The following SOX5 variants were observed in gnomAD, a reference collection of about 807,000 sequenced individuals.
SOX5 encodes the protein SRY-box transcription factor 5.
SOX5 carries 9 observed loss-of-function variants against 92.0 expected under a neutral mutation model. The ratio of observed to expected loss-of-function variants is 0.10; its 90% CI spans 0.06 to 0.17. The LOEUF is 0.17. Among genes scored for constraint, SOX5 ranks in the 10% least tolerant of loss-of-function variants. The probability of loss-of-function intolerance (pLI) is 1.00; values close to 1 mark genes in which losing one functional copy is unlikely to be tolerated. For synonymous variants in SOX5, 344 were observed against 336.3 expected, an observed-to-expected ratio of 1.02 and a Z score of -0.25; for missense variants, 642 against 944.5, an observed-to-expected ratio of 0.68 and a Z score of 4.20.
At chr12:24,401,039 A>G (rs1455181355) in intron 1 of SOX5, among the ~76,000 whole-genome samples, 1 of 152,150 alleles carries the variant, frequency 6.6e-6, no homozygotes, top group Non-Finnish European at 1.5e-5. Flanking sequence ...TCTCTCCAAA[A>G]CCTGACTCAT....
intron 3 of SOX5, among the ~76,000 whole-genome samples, chr12:24,218,681 AC>A (rs1390983301): frequency 6.6e-6 from 1 of 152,176 alleles, no homozygotes; most frequent in Non-Finnish European, 1.5e-5. Flanking sequence ...ATACTATGAA[AC>A]AAAAACACAT....
chr12:24,146,518 T>C (rs1286368582), intron 4 of SOX5, among the ~76,000 whole-genome samples: 21 of 152,110 alleles, frequency 1.4e-4, no homozygotes, highest in Admixed American at 1.3e-3. Context: ...TCAATGTCTA[T>C]ACTATTTTTT....
intron 2 of SOX5, among the ~76,000 whole-genome samples, chr12:23,857,284 C>A (rs1487436396): frequency 2.0e-5 from 3 of 152,046 alleles, no homozygotes; most frequent in African/African-American, 7.2e-5. Context: ...GTGAGTGATT[C>A]TATTAAAGTA....
intron 4 of SOX5, among the ~76,000 whole-genome samples, chr12:23,986,675 G>A (rs967190701): frequency 6.6e-6 from 1 of 152,076 alleles, no homozygotes; most frequent in African/African-American, 2.4e-5. Flanking sequence ...GAATGATTTT[G>A]TTTTCCTTGA....
At chr12:23,968,238 G>A (rs1947816021) in intron 4 of SOX5, among the ~76,000 whole-genome samples, 1 of 152,108 alleles carries the variant, frequency 6.6e-6, no homozygotes, top group African/African-American at 2.4e-5. Context: ...ATAAAGTATG[G>A]CTTTTATCCA....
At chr12:24,272,196 ATT>A (rs200069498) in intron 3 of SOX5, among the ~76,000 whole-genome samples, 2,468 of 152,288 alleles carry the variant, frequency 0.016, 33 homozygotes, top group Admixed American at 0.033. Context: ...CCATAGAAAT[ATT>A]GTGCATCTCT....
chr12:24,504,365 G>T (rs1343334504), intron 1 of SOX5, among the ~76,000 whole-genome samples: 1 of 152,058 alleles, frequency 6.6e-6, no homozygotes, highest in Non-Finnish European at 1.5e-5. Context: ...ATATATAAAT[G>T]TGGGCTTTTA....
intron 1 of SOX5, among the ~76,000 whole-genome samples, chr12:24,377,189 A>G (rs564393302): frequency 1.3e-5 from 2 of 152,304 alleles, no homozygotes; most frequent in African/African-American, 4.8e-5. Context: ...TGGCTCCACA[A>G]TCAAAAGTTT....
intron 8 of SOX5, among the ~76,000 whole-genome samples, chr12:23,623,906 G>A (rs748527061): frequency 2.6e-5 from 4 of 152,036 alleles, no homozygotes; most frequent in Non-Finnish European, 4.4e-5. Context: ...AACAGCATTC[G>A]TCATAATAGC....
At chr12:24,229,541 G>A (rs886143545) in intron 3 of SOX5, among the ~76,000 whole-genome samples, 2 of 152,188 alleles carry the variant, frequency 1.3e-5, no homozygotes, top group Non-Finnish European at 2.9e-5. Context: ...GGGTAAATGT[G>A]CTTTGTTTTG....
intron 12 of SOX5, among the ~76,000 whole-genome samples, chr12:23,545,023 T>C (rs1367913788): frequency 1.3e-5 from 2 of 152,190 alleles, no homozygotes; most frequent in Non-Finnish European, 2.9e-5. Context: ...TAGAAGAAAA[T>C]GTTTGCAACA....
At position 24,554,158 on chromosome 12, in the gene SOX5, G is replaced by A. The variant is rs542105391; in HGVS notation, c.-251+8171C>T. ...TGCAAACTGCAGTCTACTCCTGATA[G>A]TATACATCAAACAACGTCAGCTCTT... On this transcript the variant is annotated intron_variant, in intron 1 of 4. Coordinates refer to the SOX5 transcript ENST00000446891. Among the ~76,000 whole-genome samples the A allele has an allele frequency of 1.4e-3, 209 of 152,306 alleles. 1 individual carries two copies. Among genetic ancestry groups the A allele is most frequent in the African/African-American group, 4.9e-3 (202 of 41,562 alleles).
intron 1 of SOX5, among the ~76,000 whole-genome samples, chr12:24,424,558 A>AC (rs1202504796): frequency 1.3e-5 from 2 of 151,324 alleles, no homozygotes; most frequent in Admixed American, 6.6e-5. Context: ...TCTTCCCCCC[A>AC]CCCCCCAAGT....
chr12:23,720,956 C>T (rs1310651675), intron 6 of SOX5, among the ~76,000 whole-genome samples: 1 of 152,072 alleles, frequency 6.6e-6, no homozygotes, highest in Non-Finnish European at 1.5e-5. Flanking sequence ...GGGTCTATGC[C>T]TAATTAGTTA....
chr12:24,086,640 T>G (rs532557273), intron 4 of SOX5, among the ~76,000 whole-genome samples: 2 of 152,148 alleles, frequency 1.3e-5, no homozygotes, highest in Non-Finnish European at 2.9e-5. Context: ...ATCTTTTGTT[T>G]GTACTATATT....
intron 4 of SOX5, among the ~76,000 whole-genome samples, chr12:24,190,767 C>A (rs1314114311): frequency 6.6e-6 from 1 of 152,114 alleles, no homozygotes; most frequent in Non-Finnish European, 1.5e-5. Flanking sequence ...ATATGATAAA[C>A]CATCAATTTA....
At chr12:23,573,785 C>A (rs1948723556) in intron 10 of SOX5, among the ~76,000 whole-genome samples, 1 of 152,022 alleles carries the variant, frequency 6.6e-6, no homozygotes, top group Non-Finnish European at 1.5e-5. Context: ...TTTCTTTGTT[C>A]TTCCCTTGGA....
At chr12:23,823,073 T>G (rs1277645319) in intron 3 of SOX5, among the ~76,000 whole-genome samples, 1 of 152,236 alleles carries the variant, frequency 6.6e-6, no homozygotes, top group Non-Finnish European at 1.5e-5. Flanking sequence ...TTACCCAATT[T>G]GCCAGTCTGT....
At chr12:24,420,895 G>A (rs899630281) in intron 1 of SOX5, among the ~76,000 whole-genome samples, 1 of 152,160 alleles carries the variant, frequency 6.6e-6, no homozygotes, top group Non-Finnish European at 1.5e-5. Flanking sequence ...ATGAAGGACA[G>A]AGGAACATGC....
Sources: gnomAD v4.1 joint callset for allele counts (sites outside exome capture counted in the v4.1 genomes callset) on GRCh38, gnomAD v4.1.1 for gene constraint, MANE v1.5 for transcripts, NCBI Gene and HGNC (gene_info 2026-07-23, HGNC 2026-07-21) for gene names.